The following RHOBTB1 variants were observed in gnomAD, a reference collection of about 807,000 sequenced individuals.
The protein encoded by RHOBTB1 is rho-related BTB domain-containing protein 1.
Under a neutral mutation model 71.6 loss-of-function variants are expected in RHOBTB1, and 40 were observed. The observed-to-expected ratio is 0.56, with a 90% CI of 0.43 to 0.73. The LOEUF is 0.73. Ranked by LOEUF, RHOBTB1 falls within the 30% of genes least tolerant of loss-of-function variation. The pLI, the probability that RHOBTB1 is intolerant of heterozygous loss-of-function variation, is 0.00. For synonymous variants in RHOBTB1, 319 were observed against 334.9 expected (o/e 0.95, Z 0.52); for missense variants, 797 against 894.0 (o/e 0.89, Z 1.38).
At chr10:60,972,310 GATA>G (rs1208773532) in intron 2 of RHOBTB1, among the ~76,000 whole-genome samples, 1 of 152,112 alleles carries the variant, frequency 6.6e-6, no homozygotes, top group South Asian at 2.1e-4. Context: ...TGATAGACTG[GATA>G]AAGAAAATGT....
At chr10:60,979,016 C>T (rs1291089287) in intron 2 of RHOBTB1, among the ~76,000 whole-genome samples, 1 of 152,074 alleles carries the variant, frequency 6.6e-6, no homozygotes, top group Non-Finnish European at 1.5e-5. Context: ...CAATAATAAA[C>T]AGTGACTAAT....
intron 2 of RHOBTB1, among the ~76,000 whole-genome samples, chr10:60,973,238 A>G (rs1439197263): frequency 4.6e-5 from 7 of 152,072 alleles, no homozygotes; most frequent in Admixed American, 4.6e-4. Flanking sequence ...ACACTCACAT[A>G]TCTCAGGGCA....
At chr10:60,987,956 C>G in intron 1 of RHOBTB1, among the ~76,000 whole-genome samples, 1 of 102,848 alleles carries the variant, frequency 9.7e-6, no homozygotes. Flanking sequence ...TTTTTTAAGA[C>G]CGAGTCTCGC....
At chr10:60,910,805 T>A in intron 4 of RHOBTB1, 82 bp downstream of exon 4, 1 of 992,750 alleles carries the variant, frequency 1.0e-6, no homozygotes. Context: ...TGATGTGGTT[T>A]TTGTTGATTT....
At chr10:60,915,781 G>T (rs1044693035) in intron 2 of RHOBTB1, among the ~76,000 whole-genome samples, 2 of 152,078 alleles carry the variant, frequency 1.3e-5, no homozygotes, top group African/African-American at 4.8e-5. Flanking sequence ...TATTATTGCT[G>T]TCATCTCCTG....
At chr10:60,981,964 T>A (rs2086510880) in intron 2 of RHOBTB1, among the ~76,000 whole-genome samples, 1 of 152,102 alleles carries the variant, frequency 6.6e-6, no homozygotes, top group Admixed American at 6.6e-5. Flanking sequence ...TGAAATGGGT[T>A]TGCACCATGT....
chr10:60,873,722 G>T (rs1375987027), intron 9 of RHOBTB1, among the ~76,000 whole-genome samples: 1 of 152,248 alleles, frequency 6.6e-6, no homozygotes, highest in Non-Finnish European at 1.5e-5. Flanking sequence ...AACCAGTTTT[G>T]ATGGGGGCTT....
chr10:60,905,904 C>T (rs1425382855), intron 4 of RHOBTB1, among the ~76,000 whole-genome samples: 1 of 152,176 alleles, frequency 6.6e-6, no homozygotes, highest in African/African-American at 2.4e-5. Context: ...AAACACCAGT[C>T]ACTACAGTCC....
chr10:61,000,664 T>A (rs2135075553), intron 1 of RHOBTB1, among the ~76,000 whole-genome samples: 1 of 152,162 alleles, frequency 6.6e-6, no homozygotes, highest in Non-Finnish European at 1.5e-5. Flanking sequence ...AGAATGTATA[T>A]CTTCATTTTT....
intron 4 of RHOBTB1, among the ~76,000 whole-genome samples, chr10:60,903,792 G>A (rs960557191): frequency 3.9e-5 from 6 of 152,058 alleles, no homozygotes; most frequent in African/African-American, 1.4e-4. Context: ...GTTAGTTTCA[G>A]GGTTATATTC....
In RHOBTB1 at chr10:60,967,835, T is replaced by TGA. The variant is rs544642325; in HGVS notation, c.-62+18008_-62+18009dup. ...AAATTACCAGAATTTTATTGAAATG[T>TGA]GAGATTTGGTCATATTACCCTTTCA... is the stretch of plus-strand genomic sequence containing the variant. On this transcript the variant is annotated intron_variant, in intron 2 of 11. Coordinates refer to the RHOBTB1 transcript ENST00000357917. 6.0e-4 allele frequency among the ~76,000 whole-genome samples: 91 copies of TGA among 152,240 alleles called. 1 individual carries two copies. Among genetic ancestry groups the TGA allele is most frequent in the African/African-American group, 2.1e-3 (86 of 41,534 alleles).
intron 1 of RHOBTB1, among the ~76,000 whole-genome samples, chr10:60,995,387 T>C (rs2135015574): frequency 6.6e-6 from 1 of 152,286 alleles, no homozygotes; most frequent in South Asian, 2.1e-4. Context: ...CTAAGCAGTC[T>C]GGCTCCAGAG....
At chr10:60,967,086 C>A (rs1421030579) in intron 2 of RHOBTB1, among the ~76,000 whole-genome samples, 1 of 151,930 alleles carries the variant, frequency 6.6e-6, no homozygotes, top group Non-Finnish European at 1.5e-5. Flanking sequence ...TTGTTTCGGA[C>A]ACCGCAGTCA....
chr10:60,909,147 C>T (rs1206958533), intron 4 of RHOBTB1, among the ~76,000 whole-genome samples: 8 of 152,138 alleles, frequency 5.3e-5, no homozygotes, highest in Admixed American at 1.3e-4. Context: ...GAGAGCTGGA[C>T]GGGGCCCAGT....
intron 2 of RHOBTB1, among the ~76,000 whole-genome samples, chr10:60,913,280 T>A (rs1376372271): frequency 6.6e-6 from 1 of 151,926 alleles, no homozygotes; most frequent in Non-Finnish European, 1.5e-5. Flanking sequence ...TGGAGTAGAG[T>A]GATTCAAGGA....
At chr10:60,878,559 A>G in intron 7 of RHOBTB1, among the ~76,000 whole-genome samples, 1 of 152,266 alleles carries the variant, frequency 6.6e-6, no homozygotes, top group East Asian at 1.9e-4. Flanking sequence ...TGCACAATAT[A>G]TTACAATGTA....
chr10:60,938,748 G>A (rs562689862), intron 2 of RHOBTB1, among the ~76,000 whole-genome samples: 8 of 152,224 alleles, frequency 5.3e-5, no homozygotes, highest in African/African-American at 1.9e-4. Context: ...TTTGTTTAGA[G>A]CAAATATATA....
intron 8 of RHOBTB1, among the ~76,000 whole-genome samples, chr10:60,875,881 C>A (rs540419356): frequency 1.3e-5 from 2 of 152,202 alleles, no homozygotes; most frequent in Admixed American, 6.5e-5. Flanking sequence ...CTGAGACTGA[C>A]GTGTGAGGGT....
intron 2 of RHOBTB1, among the ~76,000 whole-genome samples, chr10:60,952,349 A>G (rs2085442142): frequency 6.6e-6 from 1 of 152,168 alleles, no homozygotes; most frequent in South Asian, 2.1e-4. Context: ...AATAATAAAC[A>G]CCAAGATCAC....
Sources: gnomAD v4.1 joint callset for allele counts (sites outside exome capture counted in the v4.1 genomes callset) on GRCh38, gnomAD v4.1.1 for gene constraint, MANE v1.5 for transcripts, NCBI Gene and HGNC (gene_info 2026-07-23, HGNC 2026-07-21) for gene names.